Variants in CTNNA2 observed in about 807,000 individuals in gnomAD.
CTNNA2 encodes catenin alpha-2.
A neutral mutation model predicts 101.0 loss-of-function variants in CTNNA2; 42 were observed. That is an observed-to-expected ratio of 0.42 (90% confidence interval 0.32 to 0.54). The LOEUF is 0.54. Ranked by LOEUF, CTNNA2 falls within the 20% of genes least tolerant of loss-of-function variation. The pLI, the probability that CTNNA2 is intolerant of heterozygous loss-of-function variation, is 0.14. For missense variants in CTNNA2, 871 were observed against 1,223.1 expected, an observed-to-expected ratio of 0.71 and a Z score of 4.29; for synonymous variants, 450 against 456.4, an observed-to-expected ratio of 0.99 and a Z score of 0.18.
At chr2:80,117,448 C>CTTTGTGAG (rs1458324706) in intron 7 of CTNNA2, among the ~76,000 whole-genome samples, 1 of 44,750 alleles carries the variant, frequency 2.2e-5, no homozygotes, top group Non-Finnish European at 4.6e-5. Context: ...TAGATGGTTC[C>CTTTGTGAG]TGTGTGAGTG....
chr2:80,189,748 T>TA (rs5832436), intron 7 of CTNNA2, among the ~76,000 whole-genome samples: 60,970 of 148,310 alleles, frequency 0.41, 13,731 homozygotes, highest in Non-Finnish European at 0.53. Context: ...CTCAACCAGT[T>TA]AAAAAAAAAA....
intron 2 of CTNNA2, among the ~76,000 whole-genome samples, chr2:79,731,146 A>G (rs1166855696): frequency 6.6e-6 from 1 of 152,014 alleles, no homozygotes; most frequent in Non-Finnish European, 1.5e-5. Flanking sequence ...TTGTTTCAAA[A>G]TGTGTTACTT....
intron 7 of CTNNA2, among the ~76,000 whole-genome samples, chr2:80,386,153 A>G (rs1676975061): frequency 6.6e-6 from 1 of 152,184 alleles, no homozygotes; most frequent in African/African-American, 2.4e-5. Context: ...TTTCTTTGAA[A>G]ATGGATGCAG....
At chr2:79,483,681 T>TA (rs1671131374) in intron 4 of CTNNA2, among the ~76,000 whole-genome samples, 1 of 152,204 alleles carries the variant, frequency 6.6e-6, no homozygotes, top group Non-Finnish European at 1.5e-5. Context: ...ATTCCTGGGT[T>TA]ATTTCACTTA....
chr2:79,414,548 G>T (rs535750258), intron 4 of CTNNA2, among the ~76,000 whole-genome samples: 1 of 151,948 alleles, frequency 6.6e-6, no homozygotes, highest in Non-Finnish European at 1.5e-5. Flanking sequence ...AACTTTTGTT[G>T]TCTAAAAATG....
chr2:79,579,224 ATCCCT>A (rs1461666100), intron 1 of CTNNA2, among the ~76,000 whole-genome samples: 2 of 95,906 alleles, frequency 2.1e-5, no homozygotes, highest in East Asian at 3.0e-4. Flanking sequence ...CCCTCCCTCT[ATCCCT>A]TCCCTTCCCT....
chr2:79,206,820 A>G (rs973924315), intron 2 of CTNNA2, among the ~76,000 whole-genome samples: 1 of 152,228 alleles, frequency 6.6e-6, no homozygotes, highest in African/African-American at 2.4e-5. Flanking sequence ...CACACTAAAA[A>G]GAGCAGAATC....
chr2:80,162,474 C>T, intron 7 of CTNNA2: 1 of 1,599,276 alleles, frequency 6.3e-7, no homozygotes, highest in Non-Finnish European at 8.5e-7. Flanking sequence ...CGCCATTTTC[C>T]ATCTCTGCTA....
intron 7 of CTNNA2, among the ~76,000 whole-genome samples, chr2:80,363,658 G>A (rs762412762): frequency 6.6e-6 from 1 of 152,086 alleles, no homozygotes; most frequent in Non-Finnish European, 1.5e-5. Context: ...ATAATGGTGC[G>A]TGCATATGGG....
intron 2 of CTNNA2, among the ~76,000 whole-genome samples, chr2:79,290,675 A>T (rs1022843815): frequency 6.6e-6 from 1 of 152,112 alleles, no homozygotes; most frequent in Non-Finnish European, 1.5e-5. Context: ...CAGGCCATCA[A>T]CCGGAGGAAC....
intron 15 of CTNNA2, among the ~76,000 whole-genome samples, chr2:80,598,784 A>C (rs1323090153): frequency 6.6e-6 from 1 of 152,198 alleles, no homozygotes; most frequent in African/African-American, 2.4e-5. Context: ...CAAATATTTC[A>C]TACTGTATGA....
Position 79,247,933 on chromosome 2 carries a change from T to A in CTNNA2, c.-406+49857T>A, listed in dbSNP as rs1446856567. Among the ~76,000 whole-genome samples the A allele has an allele frequency of 2.0e-5, 3 of 152,230 alleles. 1 individual carries two copies. The highest frequency in any genetic ancestry group is 4.1e-4 in the South Asian group (2 of 4,828). Reference sequence around the variant, plus strand: ...GAAGGAGCACGGCCATGTCTACACCTGGACTTCATCCCAAGTGAAAGTAAT... The same window carrying A: ...GAAGGAGCACGGCCATGTCTACACCAGGACTTCATCCCAAGTGAAAGTAAT... On this transcript the variant is annotated intron_variant, in intron 2 of 21. Coordinates refer to the CTNNA2 transcript ENST00000466387.
chr2:79,881,718 T>G (rs371565228), intron 6 of CTNNA2, among the ~76,000 whole-genome samples: 1 of 151,690 alleles, frequency 6.6e-6, no homozygotes, highest in Non-Finnish European at 1.5e-5. Context: ...GCGAGATGGG[T>G]CTCCTGAATA....
chr2:79,526,708 A>G (rs1672426044), intron 1 of CTNNA2, among the ~76,000 whole-genome samples: 1 of 152,152 alleles, frequency 6.6e-6, no homozygotes, highest in Non-Finnish European at 1.5e-5. Flanking sequence ...CAAGGGTGAC[A>G]AGACAATTTA....
intron 2 of CTNNA2, among the ~76,000 whole-genome samples, chr2:79,709,558 A>G (rs1246612417): frequency 6.6e-6 from 1 of 152,146 alleles, no homozygotes; most frequent in Non-Finnish European, 1.5e-5. Context: ...TTTGGCTGTT[A>G]TTACTCAATA....
At chr2:79,822,183 CG>C (rs1404375020) in intron 3 of CTNNA2, among the ~76,000 whole-genome samples, 11 of 136,446 alleles carry the variant, frequency 8.1e-5, no homozygotes, top group South Asian at 2.2e-4. Context: ...TTGATTCCAA[CG>C]GTTTTTTTTT....
At chr2:80,644,907 T>C (rs1162579784) in intron 18 of CTNNA2, among the ~76,000 whole-genome samples, 3 of 152,084 alleles carry the variant, frequency 2.0e-5, no homozygotes, top group Non-Finnish European at 4.4e-5. Context: ...GGCAAAGGGG[T>C]TCTGAAGAAG....
chr2:80,031,786 G>A (rs1227485917), intron 7 of CTNNA2, among the ~76,000 whole-genome samples: 3 of 152,254 alleles, frequency 2.0e-5, no homozygotes, highest in Non-Finnish European at 4.4e-5. Flanking sequence ...TTTAAAATCT[G>A]TTTAGGAAAA....
chr2:79,930,240 C>T (rs1188224558), intron 7 of CTNNA2, among the ~76,000 whole-genome samples: 1 of 129,032 alleles, frequency 7.8e-6, no homozygotes, highest in Non-Finnish European at 1.6e-5. Flanking sequence ...GAGACTCTGT[C>T]TCAAAGAAAG....
Sources: gnomAD v4.1 joint callset for allele counts (sites outside exome capture counted in the v4.1 genomes callset) on GRCh38, gnomAD v4.1.1 for gene constraint, MANE v1.5 for transcripts, NCBI Gene and HGNC (gene_info 2026-07-23, HGNC 2026-07-21) for gene names.